The following CACNA1C variants were observed in gnomAD, a reference collection of about 807,000 sequenced individuals.
The protein encoded by CACNA1C is voltage-dependent L-type calcium channel subunit alpha-1C.
A neutral mutation model predicts 229.0 loss-of-function variants in CACNA1C; 30 were observed. The ratio of observed to expected loss-of-function variants is 0.13; its 90% CI spans 0.10 to 0.18. The LOEUF is 0.18. Ranked by LOEUF, CACNA1C falls within the 10% of genes least tolerant of loss-of-function variation. The pLI, the probability that CACNA1C is intolerant of heterozygous loss-of-function variation, is 1.00. For synonymous variants in CACNA1C, 1,114 were observed against 1,132.5 expected, an observed-to-expected ratio of 0.98 and a Z score of 0.33; for missense variants, 1,658 against 2,845.0, an observed-to-expected ratio of 0.58 and a Z score of 9.49.
intron 3 of CACNA1C, among the ~76,000 whole-genome samples, chr12:2,186,333 C>A (rs1445507187): frequency 6.6e-6 from 1 of 152,068 alleles, no homozygotes; most frequent in Non-Finnish European, 1.5e-5. Context: ...GGATCTAGGC[C>A]CAAGTGACTA....
chr12:2,124,603 T>C (rs1374693641), intron 3 of CACNA1C, among the ~76,000 whole-genome samples: 2 of 152,152 alleles, frequency 1.3e-5, no homozygotes, highest in Non-Finnish European at 2.9e-5. Context: ...GACGGAGGCC[T>C]CACTGTTTGT....
At chr12:2,015,660 A>G (rs2045245982) in intron 1 of CACNA1C, among the ~76,000 whole-genome samples, 1 of 152,222 alleles carries the variant, frequency 6.6e-6, no homozygotes, top group African/African-American at 2.4e-5. Flanking sequence ...GCCAGGGCTC[A>G]TCCAGAGGAG....
chr12:2,442,556 G>C (rs1225529792), intron 3 of CACNA1C, among the ~76,000 whole-genome samples: 1 of 152,206 alleles, frequency 6.6e-6, no homozygotes, highest in East Asian at 1.9e-4. Flanking sequence ...AGAGGAGCAG[G>C]GTCCTCCAGG....
chr12:2,616,983 A>C (rs1018311930), intron 29 of CACNA1C, among the ~76,000 whole-genome samples: 1 of 152,252 alleles, frequency 6.6e-6, no homozygotes, highest in Non-Finnish European at 1.5e-5. Context: ...TGGCATTTTC[A>C]GAGGATCAGC....
chr12:1,980,277 G>C (rs541565279), intron 1 of CACNA1C, among the ~76,000 whole-genome samples: 37 of 152,202 alleles, frequency 2.4e-4, no homozygotes, highest in Non-Finnish European at 5.3e-4. Flanking sequence ...GTACTACACA[G>C]AATAAAAAGC....
chr12:2,018,861 G>A (rs780741813), intron 1 of CACNA1C, among the ~76,000 whole-genome samples: 2 of 152,170 alleles, frequency 1.3e-5, no homozygotes, highest in African/African-American at 2.4e-5. Context: ...GATAACATTG[G>A]ATTTTCTTTC....
At chr12:2,060,636 T>A (rs1369429471) in intron 1 of CACNA1C, among the ~76,000 whole-genome samples, 1 of 152,246 alleles carries the variant, frequency 6.6e-6, no homozygotes, top group Non-Finnish European at 1.5e-5. Flanking sequence ...CTTAGAGATG[T>A]GGCTTTTGAG....
In CACNA1C at chr12:2,119,429, A is replaced by G. The variant is rs2085487111; in HGVS notation, c.372-896A>G. Among the ~76,000 whole-genome samples, 4 of 152,306 alleles carry G rather than the reference A, an allele frequency of 2.6e-5. No individual in the cohort carries two copies. In the South Asian group the frequency reaches 6.2e-4, roughly 24 times the overall value. The stretch of plus-strand genomic sequence containing the variant: ...GGAAGCTTCCCCTTGCTGGCCTTCC[A>G]TGGAGGGTGTGGGGTGGTCCCGTCG... On this transcript the variant is annotated intron_variant, in intron 2 of 46. Transcript: ENST00000399655.
intron 1 of CACNA1C, among the ~76,000 whole-genome samples, chr12:2,098,919 A>G (rs565768175): frequency 6.6e-6 from 1 of 152,300 alleles, no homozygotes; most frequent in African/African-American, 2.4e-5. Flanking sequence ...AGATGGGGAC[A>G]TTGAGGCGTG....
Position 2,177,634 on chromosome 12 carries a change from C to CTCTT in CACNA1C, c.477+57222_477+57225dup, listed in dbSNP as rs755417751. Among the ~76,000 whole-genome samples the CTCTT allele has an allele frequency of 3.9e-3, 439 of 112,956 alleles. 4 individuals carry two copies. Among genetic ancestry groups the CTCTT allele is most frequent in the Non-Finnish European group, 5.6e-3 (333 of 59,210 alleles). 74.1% of individuals were successfully genotyped at this position (112,956 alleles called of 152,430 possible). ...CTTCCTTCCTTCCTTCCTTCTCTCT[C>CTCTT]TCTTTCTTTCTTTCTTTCTTTTTCT... On this transcript the variant is annotated intron_variant, in intron 3 of 46. Transcript: ENST00000399655.
In CACNA1C at chr12:2,608,353, C is replaced by G. The variant is rs2153438544; in HGVS notation, c.3357-158C>G. Among the ~76,000 whole-genome samples, 1 of 152,262 alleles carries G rather than the reference C, an allele frequency of 6.6e-6. No homozygotes were observed. The highest frequency in any genetic ancestry group is 2.4e-5 in the African/African-American group (1 of 41,546). Reference sequence around the variant, plus strand: ...GTCTCAGAGAGGTTAAACGCTTTGCCCAAGGTCACACAGCCAGTAAGAGGC... The same window carrying G: ...GTCTCAGAGAGGTTAAACGCTTTGCGCAAGGTCACACAGCCAGTAAGAGGC... On this transcript the variant is annotated intron_variant, in intron 26 of 46. Coordinates refer to ENST00000399655, the MANE Select transcript of CACNA1C (RefSeq NM_000719.7). This position sits in a 1 kb window ranked among gnomAD's most constrained non-coding sequence, Gnocchi z 4.2.
chr12:2,678,683 T>C lies in CACNA1C; in HGVS notation c.5092-761T>C, dbSNP rs1437648250. Among the ~76,000 whole-genome samples, 2 of 152,182 alleles carry C rather than the reference T, an allele frequency of 1.3e-5. No individual in the cohort carries two copies. ...CTCCGTCTCTTCCTCATCCTTATTCTTGTCACTGGGAGACATTCGTCACTG... is the reference window on the plus strand; with the variant it reads ...CTCCGTCTCTTCCTCATCCTTATTCCTGTCACTGGGAGACATTCGTCACTG... On this transcript the variant is annotated intron_variant, in intron 41 of 46. Transcript: ENST00000399655. The surrounding 1 kb of genome is among the most constrained non-coding windows in gnomAD (Gnocchi z 4.1).
chr12:2,343,790 G>A (rs776026939), intron 3 of CACNA1C, among the ~76,000 whole-genome samples: 5 of 152,170 alleles, frequency 3.3e-5, no homozygotes, highest in South Asian at 2.1e-4. Context: ...TGATGTGGCC[G>A]CTAGCTGCAG....
intron 3 of CACNA1C, among the ~76,000 whole-genome samples, chr12:2,321,451 GT>G (rs924889694): frequency 2.0e-5 from 3 of 152,010 alleles, no homozygotes; most frequent in Admixed American, 1.3e-4. Flanking sequence ...TTAGCCTTGT[GT>G]TTACATTAAT....
chr12:2,547,370 C>T, intron 9 of CACNA1C: 2 of 737,282 alleles, frequency 2.7e-6, no homozygotes, highest in Non-Finnish European at 5.1e-6. Flanking sequence ...TTGTTTCTTT[C>T]TCTTGCCCGT....
intron 1 of CACNA1C, among the ~76,000 whole-genome samples, chr12:2,057,581 G>GC: frequency 6.6e-6 from 1 of 152,128 alleles, no homozygotes; most frequent in East Asian, 1.9e-4. Flanking sequence ...GGAGGCCCTC[G>GC]CGGCATCACT....
chr12:2,297,747 T>C (rs1156552718), intron 3 of CACNA1C, among the ~76,000 whole-genome samples: 2 of 152,204 alleles, frequency 1.3e-5, no homozygotes, highest in Admixed American at 1.3e-4. Context: ...ATGTGTGTGT[T>C]TCTCCATACT....
At chr12:2,594,988 C>T (rs144751875) in intron 19 of CACNA1C, among the ~76,000 whole-genome samples, 1 of 152,326 alleles carries the variant, frequency 6.6e-6, no homozygotes, top group East Asian at 1.9e-4. Context: ...CCATACGTAG[C>T]CTCAGCTCAG....
At chr12:1,977,843 T>A (rs900207451) in intron 1 of CACNA1C, among the ~76,000 whole-genome samples, 7 of 152,250 alleles carry the variant, frequency 4.6e-5, no homozygotes, top group African/African-American at 1.4e-4. Flanking sequence ...ACTATGGGTA[T>A]ATACAGGTAC....
Sources: gnomAD v4.1 joint callset for allele counts (sites outside exome capture counted in the v4.1 genomes callset) on GRCh38, gnomAD v4.1.1 for gene constraint, Gnocchi (gnomAD v3.1) non-coding constraint, MANE v1.5 for transcripts, NCBI Gene and HGNC (gene_info 2026-07-23, HGNC 2026-07-21) for gene names.